The following SLC35F5 variants were observed in gnomAD, a reference collection of about 807,000 sequenced individuals.
SLC35F5 encodes solute carrier family 35 member F5.
Under a neutral mutation model 68.6 loss-of-function variants are expected in SLC35F5, and 54 were observed. The observed-to-expected ratio is 0.79, with a 90% CI of 0.63 to 0.99. The LOEUF is 0.99. SLC35F5 is among the 50% of genes least tolerant of loss of function. The probability of loss-of-function intolerance (pLI) is 0.00; values close to 1 mark genes in which losing one functional copy is unlikely to be tolerated. For synonymous variants in SLC35F5, 211 were observed against 205.2 expected (o/e 1.03, Z -0.24); for missense variants, 567 against 626.9 (o/e 0.90, Z 1.02).
chr2:113,746,170 C>T, intron 5 of SLC35F5, 107 bp downstream of exon 5: 1 of 818,102 alleles, frequency 1.2e-6, no homozygotes. Flanking sequence ...CAATATTGAG[C>T]CATATCTATG....
intron 4 of SLC35F5, among the ~76,000 whole-genome samples, chr2:113,749,692 C>A (rs2104481153): frequency 6.6e-6 from 1 of 152,110 alleles, no homozygotes; most frequent in Non-Finnish European, 1.5e-5. Flanking sequence ...GACTTTCGGT[C>A]TAGGATGATG....
chr2:113,755,130 T>C, intron 3 of SLC35F5, 35 bp downstream of exon 3: 3 of 1,603,690 alleles, frequency 1.9e-6, no homozygotes, highest in South Asian at 1.1e-5. Context: ...ATTGTGGCTG[T>C]AATGTAACAT....
At chr2:113,719,545 A>T in intron 13 of SLC35F5, 1 of 343,548 alleles carries the variant, frequency 2.9e-6, no homozygotes, top group East Asian at 5.8e-5. Context: ...AAAATAGGCT[A>T]AAGGAAAGCC....
chr2:113,747,807 T>C (rs993522990), intron 4 of SLC35F5, among the ~76,000 whole-genome samples: 1 of 152,124 alleles, frequency 6.6e-6, no homozygotes, highest in Admixed American at 6.5e-5. Flanking sequence ...AATGACATTA[T>C]TTGGCCGGGC....
rs547111698 is a variant in SLC35F5, at chr2:113,742,362, A to G, written c.750+330T>C. The G allele has an allele frequency of 2.6e-5, 10 of 388,860 alleles. No homozygotes were observed. In the Admixed American group the frequency reaches 2.8e-4, roughly 11 times the overall value. 24.1% of individuals were successfully genotyped at this position (388,860 alleles called of 1,614,324 possible). On this transcript the variant is annotated intron_variant, in intron 7 of 15. Transcript: ENST00000245680. ...TTTACTAGCCTTTGTATATACATAT[A>G]TCACAGTGTAAAATAACTCTATTCA...
intron 3 of SLC35F5, among the ~76,000 whole-genome samples, chr2:113,750,887 A>G (rs978783958): frequency 1.3e-5 from 2 of 152,256 alleles, no homozygotes; most frequent in South Asian, 2.1e-4. Flanking sequence ...GCCCAAGCCA[A>G]TAATCCCAGC....
intron 5 of SLC35F5, 72 bp from the exon 6 acceptor site, chr2:113,743,866 A>G: frequency 1.6e-6 from 2 of 1,265,884 alleles, no homozygotes. Flanking sequence ...TTAAATGGAT[A>G]GTACGTAGAC....
At position 113,709,435 on chromosome 2, in the gene SLC35F5, A is replaced by C. The variant is rs1244690165; in HGVS notation, c.*5783T>G. ...TTTCGCTTCTCACTTTATAGCTGAG[A>C]AGAGTGAGGGAAGGACGGACCATGG... On this transcript the variant is annotated 3_prime_UTR_variant, in exon 16 of 16. Transcript: ENST00000245680. Among the ~76,000 whole-genome samples, 5 of 152,216 alleles carry C rather than the reference A, an allele frequency of 3.3e-5. No individual in the cohort carries two copies. Among genetic ancestry groups the C allele is most frequent in the Admixed American group, 3.3e-4 (5 of 15,282 alleles).
At chr2:113,735,270 G>C (rs572230305) in intron 8 of SLC35F5, among the ~76,000 whole-genome samples, 119 of 152,312 alleles carry the variant, frequency 7.8e-4, no homozygotes, top group Non-Finnish European at 3.7e-4. Context: ...GCTAAGGCAT[G>C]AAACTACAGT....
At chr2:113,742,951 C>A in intron 6 of SLC35F5, 72 bp from the exon 7 acceptor site, 1 of 1,388,850 alleles carries the variant, frequency 7.2e-7, no homozygotes, top group Non-Finnish European at 1.0e-6. Flanking sequence ...TTTTAATTTA[C>A]TGATAAATGT....
intron 7 of SLC35F5, among the ~76,000 whole-genome samples, chr2:113,740,666 G>A (rs941436090): frequency 7.3e-5 from 11 of 151,672 alleles, no homozygotes; most frequent in Admixed American, 2.6e-4. Flanking sequence ...TCGCTCAGTC[G>A]CCCAGGCTGG....
chr2:113,756,170 C>G lies in SLC35F5; in HGVS notation c.40+200G>C, dbSNP rs947144716. 9 of 1,457,856 alleles carry G rather than the reference C, an allele frequency of 6.2e-6. No homozygotes were observed. In the African/African-American group the frequency reaches 1.3e-4, roughly 21 times the overall value. The allele number at this position is 1,457,856 out of a possible 1,614,324, so 90.3% of individuals were successfully genotyped here. ...CCCGGGGAGCCGAGGCGAGGGCGCA[C>G]GCACGGCTTCCTCAATTGCCAGCGG... On this transcript the variant is annotated intron_variant, in intron 1 of 15. Coordinates refer to ENST00000245680, the MANE Select transcript of SLC35F5 (RefSeq NM_025181.5).
intron 3 of SLC35F5, among the ~76,000 whole-genome samples, chr2:113,754,222 G>A (rs111465911): frequency 0.1 from 15,526 of 150,966 alleles, 904 homozygotes; most frequent in Non-Finnish European, 0.13. Context: ...CCCGGGAGGC[G>A]GAGGTTGCAG....
rs569982623 is a variant in SLC35F5, at chr2:113,729,644, T to C, written c.986-139A>G. On this transcript the variant is annotated intron_variant, in intron 10 of 15. Coordinates refer to ENST00000245680, the MANE Select transcript of SLC35F5 (RefSeq NM_025181.5). ...ATAATGATATAAATCACCTTTATATTGATATAAAGATATATAATGAAAAGG... is the reference window on the plus strand; with the variant it reads ...ATAATGATATAAATCACCTTTATATCGATATAAAGATATATAATGAAAAGG... 52 of 598,886 alleles carry C rather than the reference T, an allele frequency of 8.7e-5. No homozygotes were observed. In the East Asian group the frequency reaches 1.6e-3, roughly 19 times the overall value. 37.1% of individuals were successfully genotyped at this position (598,886 alleles called of 1,614,324 possible). A position where few individuals can be genotyped will look rare whatever the true frequency, so the allele number is the denominator to read the frequency against.
At chr2:113,752,160 C>T (rs1254220138) in intron 3 of SLC35F5, among the ~76,000 whole-genome samples, 2 of 147,594 alleles carry the variant, frequency 1.4e-5, no homozygotes, top group African/African-American at 2.5e-5. Flanking sequence ...TGCAGTGAGC[C>T]GAGATAGTGC....
intron 3 of SLC35F5, among the ~76,000 whole-genome samples, chr2:113,751,631 G>A (rs1006798479): frequency 4.0e-5 from 6 of 151,880 alleles, no homozygotes; most frequent in Non-Finnish European, 8.8e-5. Context: ...CCAACATGGC[G>A]AAACCCTGTC....
At chr2:113,745,177 G>A (rs62170067) in intron 5 of SLC35F5, among the ~76,000 whole-genome samples, 29,724 of 152,106 alleles carry the variant, frequency 0.2, 3,200 homozygotes, top group South Asian at 0.25. Flanking sequence ...TACAAGAGTA[G>A]CCAGAAGAGC....
In SLC35F5 at chr2:113,712,418, G is replaced by A. The variant is rs1574199622; in HGVS notation, c.*2800C>T. Among the ~76,000 whole-genome samples, 1 of 152,050 alleles carries A rather than the reference G, an allele frequency of 6.6e-6. No homozygotes were observed. The highest frequency in any genetic ancestry group is 2.4e-5 in the African/African-American group (1 of 41,376). ...TGCAGGCTCCGCCTCCCGGGTTCAC[G>A]CCATTCTGCTGCCTCAGCCTCCCGA... On this transcript the variant is annotated 3_prime_UTR_variant, in exon 16 of 16. Transcript: ENST00000245680.
Position 113,750,498 on chromosome 2 carries a change from AG to A in SLC35F5, c.343del (p.Leu115PhefsTer42). On this transcript the variant is annotated frameshift_variant, in exon 4 of 16. Coordinates refer to ENST00000245680, the MANE Select transcript of SLC35F5 (RefSeq NM_025181.5). LOFTEE classifies it high-confidence loss of function. ...FAKTSMFVLYLLGFIIWKPWR... is the reference protein window; with the variant it reads ...FAKTSMFVLYXLGFIIWKPWR... ...TGGCTTCCAAATAATAAAGCCCAAA[AG>A]GTACAAAACAAACATAGATGTTTTT... 1.9e-6 allele frequency: 3 copies of A among 1,613,774 alleles called. No homozygotes were observed. Among genetic ancestry groups the A allele is most frequent in the Non-Finnish European group, 2.5e-6 (3 of 1,179,774 alleles).
Sources: gnomAD v4.1 joint callset for allele counts (sites outside exome capture counted in the v4.1 genomes callset) on GRCh38, gnomAD v4.1.1 for gene constraint, MANE v1.5 for transcripts, NCBI Gene and HGNC (gene_info 2026-07-23, HGNC 2026-07-21) for gene names.